Variants in LRGUK observed in about 807,000 individuals in gnomAD.
The protein encoded by LRGUK is leucine-rich repeat and guanylate kinase domain-containing protein.
Under a neutral mutation model 76.0 loss-of-function variants are expected in LRGUK, and 65 were observed. That is an observed-to-expected ratio of 0.85 (90% CI 0.70 to 1.05). LRGUK has a LOEUF of 1.05. LRGUK is among the 50% of genes least tolerant of loss of function. The pLI is 0.00. For missense variants in LRGUK, 758 were observed against 732.8 expected (o/e 1.03, Z -0.40); for synonymous variants, 268 against 265.6 (o/e 1.01, Z -0.09).
At chr7:134,132,889 G>A (rs987346370) in intron 1 of LRGUK, among the ~76,000 whole-genome samples, 3 of 152,212 alleles carry the variant, frequency 2.0e-5, no homozygotes, top group African/African-American at 7.2e-5. Context: ...AGAAGTAGAA[G>A]AGAAGGGCAT....
chr7:134,221,180 AT>A (rs1489308967), intron 15 of LRGUK, among the ~76,000 whole-genome samples: 1 of 152,120 alleles, frequency 6.6e-6, no homozygotes, highest in Non-Finnish European at 1.5e-5. Context: ...TTATTTTAGC[AT>A]TTTAAAAGCA....
chr7:134,254,905 G>A (rs767931084), intron 18 of LRGUK, among the ~76,000 whole-genome samples: 2 of 152,140 alleles, frequency 1.3e-5, no homozygotes, highest in Admixed American at 1.3e-4. Flanking sequence ...CACTGAAAAT[G>A]TGCACAATTA....
chr7:134,243,174 A>G (rs890715729), intron 16 of LRGUK, among the ~76,000 whole-genome samples: 3 of 152,178 alleles, frequency 2.0e-5, no homozygotes, highest in African/African-American at 7.2e-5. Flanking sequence ...CACCACTCCT[A>G]TTCAACATAG....
At chr7:134,228,138 G>A (rs1801805947) in intron 16 of LRGUK, among the ~76,000 whole-genome samples, 1 of 152,122 alleles carries the variant, frequency 6.6e-6, no homozygotes, top group Non-Finnish European at 1.5e-5. Flanking sequence ...TTCAAAAAAA[G>A]TAATAACAAT....
At chr7:134,194,726 G>A (rs1389522064) in intron 12 of LRGUK, among the ~76,000 whole-genome samples, 1 of 152,122 alleles carries the variant, frequency 6.6e-6, no homozygotes, top group Non-Finnish European at 1.5e-5. Flanking sequence ...GTGTAACACA[G>A]CAAGACTCCA....
At chr7:134,195,091 A>G (rs1255438923) in intron 12 of LRGUK, among the ~76,000 whole-genome samples, 1 of 152,016 alleles carries the variant, frequency 6.6e-6, no homozygotes, top group Non-Finnish European at 1.5e-5. Context: ...TCCTGTACTG[A>G]ATCAGTTCCT....
intron 17 of LRGUK, among the ~76,000 whole-genome samples, chr7:134,248,253 G>C (rs972959536): frequency 2.0e-5 from 3 of 152,172 alleles, no homozygotes; most frequent in African/African-American, 7.2e-5. Flanking sequence ...AGAATGCCAG[G>C]CCTGTTCGAA....
At chr7:134,250,704 T>C (rs554979578) in intron 18 of LRGUK, among the ~76,000 whole-genome samples, 1 of 152,312 alleles carries the variant, frequency 6.6e-6, no homozygotes, top group African/African-American at 2.4e-5. Flanking sequence ...TTATAATTAG[T>C]TAATTAGCTT....
At chr7:134,251,507 C>A (rs1300056187) in intron 18 of LRGUK, among the ~76,000 whole-genome samples, 7 of 152,174 alleles carry the variant, frequency 4.6e-5, no homozygotes, top group Admixed American at 4.6e-4. Flanking sequence ...CCACTCAGTT[C>A]ATGGTATCTT....
At chr7:134,183,326 CTG>C (rs1189713806) in intron 10 of LRGUK, among the ~76,000 whole-genome samples, 2 of 152,156 alleles carry the variant, frequency 1.3e-5, no homozygotes, top group African/African-American at 4.8e-5. Context: ...TTAGCTATTA[CTG>C]TTAAGTTGGC....
At chr7:134,265,369 G>C (rs1169154322), downstream of LRGUK, among the ~76,000 whole-genome samples, 2 of 152,154 alleles carry the variant, frequency 1.3e-5, no homozygotes, top group Non-Finnish European at 2.9e-5. Flanking sequence ...TGAAAAGAAG[G>C]CAGATGGGCT....
intron 11 of LRGUK, among the ~76,000 whole-genome samples, chr7:134,185,270 T>G (rs1205814628): frequency 6.8e-6 from 1 of 146,936 alleles, no homozygotes; most frequent in South Asian, 2.2e-4. Context: ...GTTTAAAGAG[T>G]TTTTTAGAGG....
downstream of LRGUK, among the ~76,000 whole-genome samples, chr7:134,212,908 T>C (rs1012978762): frequency 1.4e-4 from 22 of 152,200 alleles, no homozygotes; most frequent in Non-Finnish European, 7.4e-5. Context: ...AAAATCCATT[T>C]GTTAACTTTT....
chr7:134,237,142 C>A (rs1331698250), intron 16 of LRGUK, among the ~76,000 whole-genome samples: 1 of 151,316 alleles, frequency 6.6e-6, no homozygotes, highest in East Asian at 1.9e-4. Flanking sequence ...GCAACCTCCA[C>A]CTCCCGGGTT....
At chr7:134,222,555 A>G (rs1218907326) in intron 16 of LRGUK, among the ~76,000 whole-genome samples, 1 of 152,046 alleles carries the variant, frequency 6.6e-6, no homozygotes, top group East Asian at 1.9e-4. Context: ...TTTGGTTGTC[A>G]ATTCCTTGTG....
intron 11 of LRGUK, among the ~76,000 whole-genome samples, chr7:134,188,468 G>A (rs1447050389): frequency 6.6e-6 from 1 of 152,124 alleles, no homozygotes; most frequent in Non-Finnish European, 1.5e-5. Flanking sequence ...AGGGCTTAGG[G>A]AAGGAAGTCT....
intron 1 of LRGUK, among the ~76,000 whole-genome samples, chr7:134,135,756 C>T (rs974826744): frequency 1.3e-5 from 2 of 152,152 alleles, no homozygotes; most frequent in Admixed American, 6.5e-5. Flanking sequence ...CCTGGGTTCA[C>T]GCCATTCTCC....
intron 16 of LRGUK, among the ~76,000 whole-genome samples, chr7:134,226,217 A>AGTGT (rs1563191700): frequency 2.1e-4 from 19 of 92,242 alleles, no homozygotes; most frequent in Non-Finnish European, 3.2e-4. Context: ...TCCCATCTCC[A>AGTGT]ATGTGTGTGT....
intron 5 of LRGUK, among the ~76,000 whole-genome samples, chr7:134,150,792 G>C (rs1395862353): frequency 1.3e-5 from 2 of 151,386 alleles, no homozygotes; most frequent in Admixed American, 1.3e-4. Context: ...TCATGACTTT[G>C]TAAATGTCAG....
Sources: gnomAD v4.1 joint callset for allele counts (sites outside exome capture counted in the v4.1 genomes callset) on GRCh38, gnomAD v4.1.1 for gene constraint, MANE v1.5 for transcripts, NCBI Gene and HGNC (gene_info 2026-07-23, HGNC 2026-07-21) for gene names.